The following TEN1 variants were observed in gnomAD, a reference collection of about 807,000 sequenced individuals.
TEN1 encodes the protein TEN1 subunit of CST complex.
TEN1 carries 6 observed loss-of-function variants against 9.3 expected under a neutral mutation model. The observed-to-expected ratio is 0.65, with a 90% confidence interval of 0.35 to 1.27. The LOEUF is 1.27. Among genes scored for constraint, TEN1 ranks in the 50% most tolerant of loss-of-function variants. The pLI is 0.03. For missense variants in TEN1, 149 were observed against 158.2 expected (o/e 0.94, Z 0.31); for synonymous variants, 65 against 65.6 (o/e 0.99, Z 0.04).
chr17:75,996,442 A>G (rs902888678), intron 3 of TEN1, among the ~76,000 whole-genome samples: 6 of 151,948 alleles, frequency 3.9e-5, no homozygotes, highest in Non-Finnish European at 8.8e-5. Context: ...CTGAGATCAC[A>G]CCATTGCACT....
chr17:75,993,953 C>G (rs913721793), intron 3 of TEN1, among the ~76,000 whole-genome samples: 1 of 151,014 alleles, frequency 6.6e-6, no homozygotes, highest in East Asian at 2.0e-4. Context: ...GAGCGGAGAT[C>G]GTGCCACTGC....
chr17:75,991,163 AAAAAAG>A (rs2066183191), intron 2 of TEN1, among the ~76,000 whole-genome samples: 12 of 149,906 alleles, frequency 8.0e-5, no homozygotes, highest in South Asian at 4.2e-4. Flanking sequence ...AAAAAAAAAA[AAAAAAG>A]AAAAAAGAAA....
intron 2 of TEN1, among the ~76,000 whole-genome samples, chr17:75,989,301 A>T (rs1410795754): frequency 1.4e-5 from 2 of 146,584 alleles, no homozygotes; most frequent in African/African-American, 5.1e-5. Context: ...TTTTGTAGAG[A>T]TGGGGTTTCA....
intron 3 of TEN1, among the ~76,000 whole-genome samples, chr17:75,998,246 C>T (rs1017990120): frequency 1.3e-5 from 2 of 148,972 alleles, no homozygotes; most frequent in East Asian, 2.0e-4. Context: ...TGGCTCACTG[C>T]GACATCCACC....
In TEN1 at chr17:76,000,428, T is replaced by G. The variant is rs1308830069; in HGVS notation, c.*166T>G. 1 of 1,049,908 alleles carries G rather than the reference T, an allele frequency of 9.5e-7. No homozygotes were observed. Among genetic ancestry groups the G allele is most frequent in the South Asian group, 1.8e-5 (1 of 56,398 alleles). 65.0% of individuals were successfully genotyped at this position (1,049,908 alleles called of 1,614,324 possible). A position where few individuals can be genotyped will look rare whatever the true frequency, so the allele number is the denominator to read the frequency against. On this transcript the variant is annotated 3_prime_UTR_variant, in exon 4 of 4. Transcript: ENST00000397640. This position sits in a 1 kb window ranked among gnomAD's most constrained non-coding sequence, Gnocchi z 5.9. ...CCCCTTCCCCTACTTTGGGATTGGC[T>G]CAGCAATGAGAACCCAGAAAGCATG... is the stretch of plus-strand genomic sequence containing the variant.
At chr17:75,981,645 C>G (rs946799835) in intron 1 of TEN1, among the ~76,000 whole-genome samples, 5 of 145,680 alleles carry the variant, frequency 3.4e-5, no homozygotes, top group Admixed American at 6.9e-5. Context: ...CAGGTGCATT[C>G]TCCCCCGAGC....
intron 3 of TEN1, among the ~76,000 whole-genome samples, chr17:75,992,802 GTT>G (rs557899982): frequency 5.7e-5 from 7 of 122,086 alleles, no homozygotes; most frequent in Non-Finnish European, 6.8e-5. Flanking sequence ...GTGAGCCACC[GTT>G]TTTTTTTTTT....
intron 3 of TEN1, among the ~76,000 whole-genome samples, chr17:75,999,350 AT>A (rs1396615133): frequency 1.1e-4 from 17 of 148,616 alleles, no homozygotes; most frequent in East Asian, 2.0e-4. Context: ...CAAAAAAAAA[AT>A]TTTTTTTTTT....
At chr17:75,994,568 C>G (rs1372603910) in intron 3 of TEN1, among the ~76,000 whole-genome samples, 1 of 151,710 alleles carries the variant, frequency 6.6e-6, no homozygotes, top group Non-Finnish European at 1.5e-5. Context: ...ACCTCCGCCT[C>G]CCAGGTTCAA....
At chr17:75,995,993 G>A (rs1001280873) in intron 3 of TEN1, among the ~76,000 whole-genome samples, 3 of 152,160 alleles carry the variant, frequency 2.0e-5, no homozygotes, top group African/African-American at 7.2e-5. Context: ...TTGGGAGGCT[G>A]AGGCAGGAGG....
intron 3 of TEN1, among the ~76,000 whole-genome samples, chr17:75,995,080 G>A (rs1232171051): frequency 1.3e-5 from 2 of 152,112 alleles, no homozygotes; most frequent in African/African-American, 4.8e-5. Flanking sequence ...AGTTATCCAG[G>A]TGTGGTGGCA....
intron 1 of TEN1, among the ~76,000 whole-genome samples, chr17:75,982,050 A>G (rs2144340328): frequency 6.6e-6 from 1 of 152,176 alleles, no homozygotes. Flanking sequence ...AAAAAACCCT[A>G]AATATATTAC....
chr17:75,990,084 T>G (rs566219639), intron 2 of TEN1, among the ~76,000 whole-genome samples: 1 of 150,402 alleles, frequency 6.6e-6, no homozygotes, highest in Non-Finnish European at 1.5e-5. Context: ...CTTGCTCTGT[T>G]GCCCAGACTG....
rs1355489731 is a variant in TEN1 at position 75,999,340 on chromosome 17, C to CA, written c.251-791dup. ...CAAGTGACAGAGCAACACCCTGTCT[C>CA]AAAAAAAAAATTTTTTTTTTTAGGT... On this transcript the variant is annotated intron_variant, in intron 3 of 3. Coordinates refer to ENST00000397640, the MANE Select transcript of TEN1 (RefSeq NM_001113324.3). Among the ~76,000 whole-genome samples, 11 of 150,292 alleles carry CA rather than the reference C, an allele frequency of 7.3e-5. No individual in the cohort carries two copies. The South Asian group carries it at 1.1e-3, about 14-fold the overall frequency.
At chr17:75,982,780 G>A (rs1309738078) in intron 1 of TEN1, among the ~76,000 whole-genome samples, 2 of 151,368 alleles carry the variant, frequency 1.3e-5, no homozygotes, top group African/African-American at 2.4e-5. Flanking sequence ...GCATGATCTC[G>A]GCTCACTGCA....
intron 1 of TEN1, among the ~76,000 whole-genome samples, chr17:75,979,771 G>GGA (rs1305178519): frequency 6.6e-6 from 1 of 151,946 alleles, no homozygotes; most frequent in Non-Finnish European, 1.5e-5. Context: ...GTCTCTTTGG[G>GGA]GAGAGGCTCC....
At chr17:75,982,000 C>T (rs1430632496) in intron 1 of TEN1, among the ~76,000 whole-genome samples, 2 of 152,144 alleles carry the variant, frequency 1.3e-5, no homozygotes, top group African/African-American at 2.4e-5. Flanking sequence ...GCATTCCAGC[C>T]TGGGCGACAG....
chr17:75,986,266 C>T lies in TEN1; in HGVS notation c.74C>T (p.Thr25Met), dbSNP rs376979590. The change falls in exon 2 of 4, where the codon ACG becomes ATG. Residue 25 changes from threonine (T) to methionine (M), a missense_variant. By Grantham distance (81) the Thr-to-Met change is moderately conservative (BLOSUM62 -1). Transcript: ENST00000397640. ...GCAGGCCAAGTTCCTGATGGGAGCA[C>T]GCTGAGAACATTTGGCAGGTGAGAA... ...VSAGQVPDGS[T>M]LRTFGRLCLY... 1.2e-5 allele frequency: 18 copies of T among 1,547,868 alleles called. No individual in the cohort carries two copies. The highest frequency in any genetic ancestry group is 9.6e-5 in the African/African-American group (7 of 72,812).
intron 3 of TEN1, among the ~76,000 whole-genome samples, chr17:75,998,793 C>A (rs565663667): frequency 6.6e-6 from 1 of 152,058 alleles, no homozygotes; most frequent in Non-Finnish European, 1.5e-5. Context: ...CAGGTTCAAG[C>A]GATTCTCCTG....
Sources: gnomAD v4.1 joint callset for allele counts (sites outside exome capture counted in the v4.1 genomes callset) on GRCh38, gnomAD v4.1.1 for gene constraint, Gnocchi (gnomAD v3.1) non-coding constraint, MANE v1.5 for transcripts, NCBI Gene and HGNC (gene_info 2026-07-23, HGNC 2026-07-21) for gene names.